The following ARAP2 variants were observed in gnomAD, a reference collection of about 807,000 sequenced individuals.
The protein encoded by ARAP2 is ArfGAP with RhoGAP domain, ankyrin repeat and PH domain 2.
Under a neutral mutation model 194.5 loss-of-function variants are expected in ARAP2, and 148 were observed. That is an observed-to-expected ratio of 0.76 (90% CI 0.67 to 0.87). The LOEUF is 0.87. Among genes scored for constraint, ARAP2 ranks in the 40% least tolerant of loss-of-function variants. The probability of loss-of-function intolerance (pLI) is 0.00; values close to 1 mark genes in which losing one functional copy is unlikely to be tolerated. For synonymous variants in ARAP2, 695 were observed against 683.5 expected, an observed-to-expected ratio of 1.02 and a Z score of -0.26; for missense variants, 2,128 against 1,989.7, an observed-to-expected ratio of 1.07 and a Z score of -1.32.
At chr4:36,079,187 A>AGTAGGTTCCTGTCCTTGTTTCTGG (rs1728937742) in intron 31 of ARAP2, among the ~76,000 whole-genome samples, 1 of 151,292 alleles carries the variant, frequency 6.6e-6, no homozygotes, top group African/African-American at 2.4e-5. Context: ...AAAAAAAAAA[A>AGTAGGTTCCTGTCCTTGTTTCTGG]AAAAAAAAAG....
chr4:36,150,639 T>G (rs1730743891), intron 16 of ARAP2, among the ~76,000 whole-genome samples: 1 of 149,704 alleles, frequency 6.7e-6, no homozygotes, highest in African/African-American at 2.5e-5. Flanking sequence ...AGACTCCATC[T>G]CAAAAAAAAA....
At chr4:36,056,990 T>C (rs73123444) in intron 2 of ARAP2, among the ~76,000 whole-genome samples, 3,272 of 152,092 alleles carry the variant, frequency 0.022, 138 homozygotes, top group African/African-American at 0.074. Context: ...TTTTACTGCA[T>C]TTTGGCACTT....
chr4:36,082,118 T>C (rs555353681), intron 30 of ARAP2, 133 bp downstream of exon 30: 1 of 807,928 alleles, frequency 1.2e-6, no homozygotes, highest in Non-Finnish European at 2.0e-6. Context: ...GCTCAAAGTC[T>C]TTACAAACAA....
chr4:36,089,355 G>A (rs766134479), intron 28 of ARAP2, among the ~76,000 whole-genome samples: 20 of 151,950 alleles, frequency 1.3e-4, no homozygotes, highest in Non-Finnish European at 2.6e-4. Context: ...TTTTCCTATT[G>A]GTGGACATTT....
chr4:36,238,122 T>C (rs1752778642), intron 1 of ARAP2, among the ~76,000 whole-genome samples: 1 of 152,178 alleles, frequency 6.6e-6, no homozygotes, highest in Non-Finnish European at 1.5e-5. Flanking sequence ...ATCCGCCCCA[T>C]TAAACCCCTT....
intron 15 of ARAP2, among the ~76,000 whole-genome samples, chr4:36,152,213 C>T: frequency 6.6e-6 from 1 of 152,046 alleles, no homozygotes; most frequent in East Asian, 1.9e-4. Flanking sequence ...ATAAACGAAT[C>T]CTTTATGGAC....
chr4:36,036,186 C>T (rs79027131), intron 5 of ARAP2, among the ~76,000 whole-genome samples: 2,695 of 152,128 alleles, frequency 0.018, 33 homozygotes, highest in Non-Finnish European at 0.026. Context: ...AATACACATG[C>T]AGACTCACAC....
Position 36,121,333 on chromosome 4 carries a change from G to A in ARAP2, c.3747-7C>T. 3 of 1,576,932 alleles carry A rather than the reference G, an allele frequency of 1.9e-6. No individual in the cohort carries two copies. The highest frequency in any genetic ancestry group is 1.7e-4 in the Middle Eastern group (1 of 5,904). On this transcript the variant is annotated splice_polypyrimidine_tract_variant and splice_region_variant and intron_variant, in intron 22 of 32. Coordinates refer to ENST00000303965, the MANE Select transcript of ARAP2 (RefSeq NM_015230.4). ...TTCTGAGCATTTCTGAACCCTGTCA[G>A]AGAAAAGCATAGTTTATTATGATAC...
chr4:36,239,572 C>T (rs79370893), intron 1 of ARAP2, among the ~76,000 whole-genome samples: 318 of 152,142 alleles, frequency 2.1e-3, no homozygotes, highest in Non-Finnish European at 3.3e-3. Context: ...AGGTATCTAC[C>T]GTAGTCAAAT....
intron 19 of ARAP2, among the ~76,000 whole-genome samples, chr4:36,139,075 G>A (rs1053999454): frequency 4.0e-5 from 6 of 148,418 alleles, no homozygotes; most frequent in Non-Finnish European, 9.1e-5. Context: ...TCAGACACGT[G>A]TATTTTGAAT....
chr4:36,040,200 C>T (rs34234393), intron 5 of ARAP2, among the ~76,000 whole-genome samples: 84,341 of 152,026 alleles, frequency 0.55, 26,602 homozygotes, highest in Admixed American at 0.73. Context: ...TTTGTTATTC[C>T]TTCCAATGAC....
At chr4:36,028,119 T>G (rs1363205913) in intron 5 of ARAP2, among the ~76,000 whole-genome samples, 4 of 152,348 alleles carry the variant, frequency 2.6e-5, no homozygotes, top group Non-Finnish European at 4.4e-5. Flanking sequence ...AGAATTTTAC[T>G]CGCTAATGTT....
At chr4:36,085,167 C>T (rs1377374543) in intron 28 of ARAP2, among the ~76,000 whole-genome samples, 3 of 151,952 alleles carry the variant, frequency 2.0e-5, no homozygotes, top group African/African-American at 4.8e-5. Context: ...AATATTCTAT[C>T]CAAATTGCTC....
At chr4:36,184,348 G>A (rs1305857773) in intron 8 of ARAP2, among the ~76,000 whole-genome samples, 1 of 152,000 alleles carries the variant, frequency 6.6e-6, no homozygotes. Context: ...TTGTTACTAT[G>A]TAAAAAGAAC....
In ARAP2 at chr4:36,187,715, C is replaced by G. The variant is rs999282588; in HGVS notation, c.1558-144G>C. On this transcript the variant is annotated intron_variant, in intron 7 of 32. Transcript: ENST00000303965. ...AAATGCCATACAAGTAATTTGTCCA[C>G]TCATATTCTCATGTAATACCCTAGA... The G allele has an allele frequency of 2.1e-5, 11 of 536,162 alleles. No homozygotes were observed. In the African/African-American group the frequency reaches 2.2e-4, roughly 11 times the overall value. 33.2% of individuals were successfully genotyped at this position (536,162 alleles called of 1,614,324 possible).
chr4:36,146,624 A>G (rs940167797), intron 19 of ARAP2, among the ~76,000 whole-genome samples: 3 of 152,070 alleles, frequency 2.0e-5, no homozygotes, highest in Non-Finnish European at 4.4e-5. Flanking sequence ...TCGTTTTATG[A>G]AGCTCTTTCA....
intron 1 of ARAP2, among the ~76,000 whole-genome samples, chr4:36,230,087 G>T (rs573076860): frequency 6.6e-6 from 1 of 152,246 alleles, no homozygotes; most frequent in African/African-American, 2.4e-5. Context: ...AGGATAATAA[G>T]CCATAACATT....
intron 29 of ARAP2, among the ~76,000 whole-genome samples, 196 bp downstream of exon 29, chr4:36,083,172 C>T (rs61114091): frequency 1.3e-5 from 2 of 152,158 alleles, no homozygotes; most frequent in African/African-American, 4.8e-5. Context: ...TCAGTGGGAA[C>T]ATCGTCCCTC....
Position 36,025,691 on chromosome 4 carries a change from A to G in ARAP2, n.608-6405T>C, listed in dbSNP as rs537258172. On this transcript the variant is annotated intron_variant and non_coding_transcript_variant, in intron 5 of 12. Transcript: ENST00000503225. Reference sequence around the variant, plus strand: ...TTACACTTTGCAGAAAGAAAAAAAAAAAACCTTGAAATGCAGAAGGTAACC... The same window carrying G: ...TTACACTTTGCAGAAAGAAAAAAAAGAAACCTTGAAATGCAGAAGGTAACC... Among the ~76,000 whole-genome samples the G allele has an allele frequency of 2.6e-5, 4 of 152,306 alleles. No individual in the cohort carries two copies. In the South Asian group the frequency reaches 8.3e-4, roughly 32 times the overall value.
Sources: allele counts gnomAD v4.1 joint callset (sites outside exome capture counted in the v4.1 genomes callset), GRCh38; gene constraint gnomAD v4.1.1; transcripts MANE v1.5; gene names NCBI Gene and HGNC (gene_info 2026-07-23, HGNC 2026-07-21).